Variants in TYW1B observed in about 807,000 individuals in gnomAD.
TYW1B encodes S-adenosyl-L-methionine-dependent tRNA 4-demethylwyosine synthase TYW1B.
A neutral mutation model predicts 86.9 loss-of-function variants in TYW1B; 73 were observed. That is an observed-to-expected ratio of 0.84 (90% CI 0.70 to 1.02). The LOEUF is 1.02. TYW1B is among the 50% of genes least tolerant of loss of function. The pLI is 0.00. For synonymous variants in TYW1B, 248 were observed against 292.8 expected, an observed-to-expected ratio of 0.85 and a Z score of 1.56; for missense variants, 637 against 827.4, an observed-to-expected ratio of 0.77 and a Z score of 2.82.
intron 10 of TYW1B, among the ~76,000 whole-genome samples, chr7:72,696,515 T>C (rs545649769): frequency 2.6e-5 from 4 of 152,296 alleles, no homozygotes; most frequent in Admixed American, 2.0e-4. Flanking sequence ...CACTTTAAAA[T>C]GGTTTATGTG....
At chr7:72,672,276 T>C (rs1159643166) in intron 11 of TYW1B, among the ~76,000 whole-genome samples, 2 of 152,018 alleles carry the variant, frequency 1.3e-5, no homozygotes, top group Non-Finnish European at 2.9e-5. Flanking sequence ...GTTTTGTGAA[T>C]TGCTCAGTCT....
chr7:72,708,402 C>T (rs1554454040), intron 10 of TYW1B, among the ~76,000 whole-genome samples: 1 of 152,174 alleles, frequency 6.6e-6, no homozygotes, highest in African/African-American at 2.4e-5. Flanking sequence ...AAGCCCCTCC[C>T]AGGTTTAAAA....
intron 11 of TYW1B, among the ~76,000 whole-genome samples, chr7:72,658,948 T>A (rs1253389467): frequency 2.6e-5 from 4 of 152,124 alleles, no homozygotes; most frequent in African/African-American, 9.7e-5. Flanking sequence ...CTTGAACTCC[T>A]GACCTCAAGT....
chr7:72,822,648 G>A (rs1158478729), intron 2 of TYW1B, among the ~76,000 whole-genome samples: 10 of 152,306 alleles, frequency 6.6e-5, no homozygotes, highest in Admixed American at 2.0e-4. Flanking sequence ...ACAGCAGAAT[G>A]AAGAAATATT....
At chr7:72,715,522 G>C (rs1271681107) in intron 9 of TYW1B, among the ~76,000 whole-genome samples, 1 of 152,140 alleles carries the variant, frequency 6.6e-6, no homozygotes, top group East Asian at 1.9e-4. Flanking sequence ...GTGTAAATAG[G>C]CAAAATTATG....
chr7:72,788,284 G>A (rs1399619517), intron 6 of TYW1B, among the ~76,000 whole-genome samples: 1 of 151,952 alleles, frequency 6.6e-6, no homozygotes, highest in Non-Finnish European at 1.5e-5. Context: ...CGGCCTCCTT[G>A]TCATTCTTAA....
intron 12 of TYW1B, among the ~76,000 whole-genome samples, chr7:72,619,613 A>G (rs1812166011): frequency 6.8e-6 from 1 of 146,784 alleles, no homozygotes; most frequent in African/African-American, 2.5e-5. Flanking sequence ...TGCAGTCCGC[A>G]GTCTGGCCTG....
In TYW1B at chr7:72,616,433, T is replaced by C. The variant is rs565399841; in HGVS notation, c.1785+239A>G. On this transcript the variant is annotated intron_variant, in intron 13 of 13. Coordinates refer to ENST00000620995, the MANE Select transcript of TYW1B (RefSeq NM_001145440.3). ...TTTTGTTAGCATGCACCTTCTAAAA[T>C]TGCAAACCAGAAAGTACTTCAAGGT... 1.3e-3 allele frequency among the ~76,000 whole-genome samples: 204 copies of C among 152,280 alleles called. 1 individual carries two copies. Among genetic ancestry groups the C allele is most frequent in the Non-Finnish European group, 2.2e-3 (147 of 68,002 alleles).
intron 13 of TYW1B, among the ~76,000 whole-genome samples, chr7:72,577,193 CAAAAA>C (rs35445348): frequency 7.6e-6 from 1 of 130,760 alleles, no homozygotes; most frequent in Non-Finnish European, 1.7e-5. Context: ...GTTCTAGCCA[CAAAAA>C]AAAAAAAGAA....
intron 13 of TYW1B, among the ~76,000 whole-genome samples, chr7:72,608,555 G>A (rs2129568237): frequency 6.6e-6 from 1 of 152,284 alleles, no homozygotes; most frequent in East Asian, 1.9e-4. Context: ...CAACAACAGT[G>A]CAGAGAAATA....
chr7:72,658,575 T>C (rs1341730774), intron 11 of TYW1B, among the ~76,000 whole-genome samples: 3 of 152,244 alleles, frequency 2.0e-5, no homozygotes, highest in African/African-American at 4.8e-5. Context: ...CATTTTTATA[T>C]TTCTGTATAT....
intron 13 of TYW1B, among the ~76,000 whole-genome samples, chr7:72,576,002 G>A (rs180748468): frequency 6.6e-6 from 1 of 152,284 alleles, no homozygotes; most frequent in Non-Finnish European, 1.5e-5. Flanking sequence ...GCTGACACAG[G>A]GTTAAATGTT....
chr7:72,682,133 C>T (rs1306664243), intron 11 of TYW1B, among the ~76,000 whole-genome samples: 3 of 152,062 alleles, frequency 2.0e-5, no homozygotes, highest in Non-Finnish European at 2.9e-5. Flanking sequence ...CCACCTCAGC[C>T]TCCCAAAGTG....
intron 6 of TYW1B, among the ~76,000 whole-genome samples, chr7:72,797,823 C>T (rs1788329813): frequency 6.6e-6 from 1 of 152,124 alleles, no homozygotes; most frequent in Non-Finnish European, 1.5e-5. Context: ...AGACTTCCAG[C>T]AGGTATCTGA....
intron 9 of TYW1B, among the ~76,000 whole-genome samples, chr7:72,721,408 G>A (rs1786899364): frequency 6.6e-6 from 1 of 152,114 alleles, no homozygotes; most frequent in Admixed American, 6.6e-5. Flanking sequence ...TCCAGCACCT[G>A]TTGTTTCCTG....
At chr7:72,780,278 G>A (rs1475017542) in intron 6 of TYW1B, among the ~76,000 whole-genome samples, 3 of 152,102 alleles carry the variant, frequency 2.0e-5, no homozygotes, top group African/African-American at 7.2e-5. Flanking sequence ...GTGTGAGCTT[G>A]ATAAAGAAGT....
intron 7 of TYW1B, among the ~76,000 whole-genome samples, chr7:72,764,005 T>C (rs1239032124): frequency 1.3e-5 from 2 of 152,232 alleles, no homozygotes; most frequent in African/African-American, 2.4e-5. Context: ...TTGATTCTTT[T>C]TTAAAGTTAT....
At chr7:72,730,428 G>T (rs1787082375) in intron 8 of TYW1B, among the ~76,000 whole-genome samples, 1 of 147,196 alleles carries the variant, frequency 6.8e-6, no homozygotes, top group Admixed American at 6.9e-5. Flanking sequence ...AGAATTCGAT[G>T]AATGAAATAA....
chr7:72,670,656 T>G (rs531451216), intron 11 of TYW1B, among the ~76,000 whole-genome samples: 1 of 152,034 alleles, frequency 6.6e-6, no homozygotes, highest in Admixed American at 6.6e-5. Context: ...TTCTGAGGAG[T>G]AGAAAGACCC....
Sources: gnomAD v4.1 joint callset for allele counts (sites outside exome capture counted in the v4.1 genomes callset) on GRCh38, gnomAD v4.1.1 for gene constraint, MANE v1.5 for transcripts, NCBI Gene and HGNC (gene_info 2026-07-23, HGNC 2026-07-21) for gene names.